FAR1: variants seen among roughly 807,000 people sequenced by gnomAD.
FAR1 encodes the protein fatty acyl-CoA reductase 1.
In FAR1, 22 loss-of-function variants were observed where a neutral mutation model predicts 61.1. The observed-to-expected ratio is 0.36, with a 90% CI of 0.26 to 0.51. The LOEUF is 0.51. Among genes scored for constraint, FAR1 ranks in the 20% least tolerant of loss-of-function variants. The pLI is 0.95. For synonymous variants in FAR1, 206 were observed against 209.7 expected (o/e 0.98, Z 0.15); for missense variants, 359 against 626.9 (o/e 0.57, Z 4.56).
At chr11:13,702,233 T>C (rs916930261) in intron 3 of FAR1, among the ~76,000 whole-genome samples, 9 of 151,884 alleles carry the variant, frequency 5.9e-5, no homozygotes, top group Non-Finnish European at 1.2e-4. Context: ...GATGTATTTA[T>C]GTACATGTCT....
At chr11:13,684,804 A>G (rs910095691) in intron 1 of FAR1, among the ~76,000 whole-genome samples, 7 of 152,254 alleles carry the variant, frequency 4.6e-5, no homozygotes. Flanking sequence ...CTTTGTGAAC[A>G]TGGTGACCAT....
At chr11:13,678,189 A>G (rs1318581692) in intron 1 of FAR1, among the ~76,000 whole-genome samples, 4 of 152,202 alleles carry the variant, frequency 2.6e-5, no homozygotes, top group Non-Finnish European at 5.9e-5. Context: ...CATTCTAGTA[A>G]AGTCTTCATT....
chr11:13,708,441 G>A (rs867911679), intron 4 of FAR1, among the ~76,000 whole-genome samples: 3 of 79,862 alleles, frequency 3.8e-5, no homozygotes, highest in South Asian at 4.5e-4. Context: ...ATGTGCGCGC[G>A]CGCGCGCACA....
Position 13,721,257 on chromosome 11 carries a change from G to C in FAR1, c.1128-473G>C, listed in dbSNP as rs12275525. The C allele has an allele frequency of 0.3, 45,802 of 152,096 alleles. 7,244 individuals carry two copies. Among genetic ancestry groups the C allele is most frequent in the South Asian group, 0.38 (1,813 of 4,830 alleles). 9.4% of individuals were successfully genotyped at this position (152,096 alleles called of 1,614,324 possible). On this transcript the variant is annotated intron_variant, in intron 9 of 11. Transcript: ENST00000354817. This position sits in a 1 kb window ranked among gnomAD's most constrained non-coding sequence, Gnocchi z 4.2. Reference sequence around the variant, plus strand: ...TGTGGCAAACGAATATTTCTGTATTGTTTGCTTCAGCAGTGCTGAAGAGTT... The same window carrying C: ...TGTGGCAAACGAATATTTCTGTATTCTTTGCTTCAGCAGTGCTGAAGAGTT...
chr11:13,724,912 C>A (rs186364464), intron 10 of FAR1, among the ~76,000 whole-genome samples: 5 of 152,238 alleles, frequency 3.3e-5, no homozygotes, highest in South Asian at 2.1e-4. Flanking sequence ...ACCTTTTTAT[C>A]TTTACAAATT....
intron 3 of FAR1, among the ~76,000 whole-genome samples, chr11:13,705,116 A>G (rs1188941906): frequency 6.6e-6 from 1 of 152,012 alleles, no homozygotes; most frequent in Non-Finnish European, 1.5e-5. Flanking sequence ...GTCTTCATTT[A>G]GTGAAGGATT....
rs1340925771 is a variant in FAR1 at position 13,729,242 on chromosome 11, G to A, written c.*468G>A. 3 of 152,450 alleles carry A rather than the reference G, an allele frequency of 2.0e-5. No homozygotes were observed. Among genetic ancestry groups the A allele is most frequent in the African/African-American group, 7.2e-5 (3 of 41,416 alleles). 9.4% of individuals were successfully genotyped at this position (152,450 alleles called of 1,614,324 possible). Reference sequence around the variant, plus strand: ...TTTTTTGTTTTTTTCATTAGTTGAAGTGGGTTTTAGTTTTGTTTAAAATTA... The same window carrying A: ...TTTTTTGTTTTTTTCATTAGTTGAAATGGGTTTTAGTTTTGTTTAAAATTA... On this transcript the variant is annotated 3_prime_UTR_variant, in exon 12 of 12. Coordinates refer to ENST00000354817, the MANE Select transcript of FAR1 (RefSeq NM_032228.6).
intron 1 of FAR1, among the ~76,000 whole-genome samples, chr11:13,685,242 A>G (rs1480697339): frequency 1.3e-5 from 2 of 151,608 alleles, no homozygotes; most frequent in Admixed American, 6.6e-5. Flanking sequence ...CCTCAGGGAA[A>G]TCCTGGTAAA....
intron 10 of FAR1, among the ~76,000 whole-genome samples, chr11:13,727,112 T>G (rs1028709472): frequency 1.3e-5 from 2 of 152,006 alleles, no homozygotes; most frequent in African/African-American, 4.8e-5. Context: ...GTCAGAGATG[T>G]TGTTTTCATA....
intron 1 of FAR1, among the ~76,000 whole-genome samples, chr11:13,674,868 T>G (rs1848049255): frequency 1.3e-5 from 2 of 152,182 alleles, no homozygotes; most frequent in East Asian, 3.9e-4. Flanking sequence ...AGAAGAACAC[T>G]CTTGAACTTG....
In FAR1 at chr11:13,726,875, T is replaced by A. The variant is rs146244990; in HGVS notation, c.1258-681T>A. 1.9e-4 allele frequency among the ~76,000 whole-genome samples: 29 copies of A among 152,118 alleles called. No individual in the cohort carries two copies. In the East Asian group the frequency reaches 5.6e-3, roughly 29 times the overall value. On this transcript the variant is annotated intron_variant, in intron 10 of 11. Coordinates refer to ENST00000354817, the MANE Select transcript of FAR1 (RefSeq NM_032228.6). The stretch of plus-strand genomic sequence containing the variant: ...ATTTTTTATAGTAGCTTTCCCTTCC[T>A]AGAATTGGCTATTTTTAGATAAGTG...
chr11:13,713,549 G>A (rs1414790436), intron 8 of FAR1, among the ~76,000 whole-genome samples: 4 of 152,028 alleles, frequency 2.6e-5, no homozygotes, highest in African/African-American at 9.7e-5. Context: ...TAGTTCTATA[G>A]GAATAGCATA....
chr11:13,708,170 AG>A, intron 4 of FAR1, 91 bp downstream of exon 4: 1 of 830,508 alleles, frequency 1.2e-6, no homozygotes. Context: ...AAGAGCAGCC[AG>A]GCCAACATAG....
rs1300089246 is a variant in FAR1 at position 13,712,051 on chromosome 11, A to G, written c.887+5A>G. ...CTGGTATTCCGGAGTTAATAGGTAT[A>G]TGAGGTGACAATGTCGCTTATTAAA... is the stretch of plus-strand genomic sequence containing the variant. On this transcript the variant is annotated splice_donor_5th_base_variant and intron_variant, in intron 7 of 11. Transcript: ENST00000354817. 3 of 1,563,914 alleles carry G rather than the reference A, an allele frequency of 1.9e-6. No individual in the cohort carries two copies. The highest frequency in any genetic ancestry group is 2.7e-5 in the African/African-American group (2 of 73,798).
chr11:13,704,692 G>A (rs188938366), intron 3 of FAR1, among the ~76,000 whole-genome samples: 25 of 151,918 alleles, frequency 1.6e-4, no homozygotes, highest in Non-Finnish European at 3.2e-4. Context: ...CTAAGATTGC[G>A]TCATTGTTCC....
intron 10 of FAR1, chr11:13,723,383 A>AC (rs71041543): frequency 6.2e-5 from 24 of 388,608 alleles, no homozygotes; most frequent in East Asian, 3.8e-4. Flanking sequence ...AAAAAAAAAA[A>AC]CCCCAAAAAA....
At chr11:13,686,569 A>G (rs1848188143) in intron 1 of FAR1, 2 of 152,224 alleles carry the variant, frequency 1.3e-5, no homozygotes, top group African/African-American at 2.4e-5. Context: ...GTCAAGTGCA[A>G]TAGTGAGAAG....
intron 8 of FAR1, 66 bp from the exon 9 acceptor site, chr11:13,714,443 T>G (rs759294335): frequency 1.1e-6 from 1 of 896,620 alleles, no homozygotes; most frequent in Non-Finnish European, 1.6e-6. Context: ...AAAAACATGA[T>G]TTTTTTTTTT....
intron 1 of FAR1, among the ~76,000 whole-genome samples, chr11:13,675,802 T>C (rs897077547): frequency 2.6e-5 from 4 of 152,338 alleles, no homozygotes; most frequent in Non-Finnish European, 5.9e-5. Context: ...AGATCATTCT[T>C]GTCTTACATG....
Sources: gnomAD v4.1 joint callset for allele counts (sites outside exome capture counted in the v4.1 genomes callset) on GRCh38, gnomAD v4.1.1 for gene constraint, Gnocchi (gnomAD v3.1) non-coding constraint, MANE v1.5 for transcripts, NCBI Gene and HGNC (gene_info 2026-07-23, HGNC 2026-07-21) for gene names.